The following GALC variants were observed in gnomAD, a reference collection of about 807,000 sequenced individuals.
GALC encodes the protein galactosylceramidase.
A neutral mutation model predicts 91.8 loss-of-function variants in GALC; 77 were observed. The observed-to-expected ratio is 0.84, with a 90% CI of 0.70 to 1.01. The LOEUF (loss-of-function observed/expected upper bound fraction) is 1.01, where lower values mean the gene tolerates loss of function less well. GALC is among the 50% of genes least tolerant of loss of function. GALC has a pLI of 0.00. For missense variants in GALC, 882 were observed against 855.9 expected, an observed-to-expected ratio of 1.03 and a Z score of -0.38; for synonymous variants, 357 against 306.7, an observed-to-expected ratio of 1.16 and a Z score of -1.71.
intron 14 of GALC, 143 bp downstream of exon 14, chr14:87,945,410 T>C: frequency 1.4e-6 from 1 of 708,956 alleles, no homozygotes; most frequent in Non-Finnish European, 2.5e-6. Context: ...CACCATACTA[T>C]TCAACAACCC....
intron 14 of GALC, among the ~76,000 whole-genome samples, chr14:87,943,090 C>T (rs1019447675): frequency 6.6e-6 from 1 of 152,056 alleles, no homozygotes; most frequent in Non-Finnish European, 1.5e-5. Flanking sequence ...GTGATTCTTG[C>T]ATCAGAACTT....
chr14:87,936,681 A>G (rs771613739), intron 16 of GALC, among the ~76,000 whole-genome samples: 5 of 151,722 alleles, frequency 3.3e-5, no homozygotes, highest in Non-Finnish European at 4.4e-5. Context: ...TGTGTTGAAT[A>G]TAAGAATGAA....
intron 6 of GALC, among the ~76,000 whole-genome samples, chr14:87,978,969 T>A (rs945901068): frequency 2.0e-5 from 3 of 152,316 alleles, no homozygotes; most frequent in Non-Finnish European, 4.4e-5. Flanking sequence ...GAATATACAT[T>A]CATTAAGGTT....
chr14:87,945,473 A>C, intron 14 of GALC, 80 bp downstream of exon 14: 1 of 1,063,752 alleles, frequency 9.4e-7, no homozygotes, highest in Non-Finnish European at 1.5e-6. Context: ...AGGACCATTG[A>C]AAACTCTTCA....
At chr14:87,936,921 T>TATATATA (rs1176265523) in intron 16 of GALC, among the ~76,000 whole-genome samples, 3 of 141,176 alleles carry the variant, frequency 2.1e-5, no homozygotes, top group African/African-American at 5.3e-5. Flanking sequence ...TATTTATTTA[T>TATATATA]TTTCTCATTG....
chr14:87,959,224 T>C (rs1885694273), intron 10 of GALC, among the ~76,000 whole-genome samples: 1 of 152,130 alleles, frequency 6.6e-6, no homozygotes, highest in African/African-American at 2.4e-5. Flanking sequence ...GAAAAAATAC[T>C]CAACATCACT....
chr14:87,948,801 T>C (rs976457610), intron 12 of GALC, among the ~76,000 whole-genome samples: 33 of 152,024 alleles, frequency 2.2e-4, no homozygotes, highest in African/African-American at 7.5e-4. Context: ...AACTTTTTTT[T>C]CAGAACTTAA....
At chr14:87,953,770 A>T (rs1331847392) in intron 10 of GALC, 40 of 1,603,438 alleles carry the variant, frequency 2.5e-5, no homozygotes, top group African/African-American at 4.0e-5. Flanking sequence ...TAAGGGTATT[A>T]AAAAAAGTCA....
upstream of GALC, chr14:87,993,550 G>T (rs571981913): frequency 1.7e-4 from 217 of 1,306,240 alleles, no homozygotes; most frequent in East Asian, 3.8e-3. Flanking sequence ...ACCAGGTCCC[G>T]ATTCCATTGT....
intron 13 of GALC, 133 bp from the exon 14 acceptor site, chr14:87,945,866 G>C (rs1007677783): frequency 1.6e-5 from 11 of 690,302 alleles, no homozygotes; most frequent in Non-Finnish European, 2.5e-5. Context: ...CCAAAGTTTA[G>C]GGCCTAGGTC....
chr14:87,990,919 C>T (rs1887171381), intron 1 of GALC, among the ~76,000 whole-genome samples: 1 of 152,128 alleles, frequency 6.6e-6, no homozygotes, highest in Admixed American at 6.5e-5. Context: ...CATTCAGTGG[C>T]CTTGAAATAA....
chr14:87,950,046 A>G lies in GALC; in HGVS notation c.1252-115T>C, dbSNP rs440426. On this transcript the variant is annotated intron_variant, in intron 11 of 16. Transcript: ENST00000261304. ...ATGACAATATTATCTCTATTTATCAAGAGAAACACCTCAAATATTAAATAA... is the reference window on the plus strand; with the variant it reads ...ATGACAATATTATCTCTATTTATCAGGAGAAACACCTCAAATATTAAATAA... The G allele has an allele frequency of 0.99, 599,610 of 608,130 alleles. 296,095 individuals carry two copies. The highest frequency in any genetic ancestry group is 1 in the East Asian group (35,252 of 35,254). 37.7% of individuals were successfully genotyped at this position (608,130 alleles called of 1,614,324 possible). A position where few individuals can be genotyped will look rare whatever the true frequency, so the allele number is the denominator to read the frequency against.
At chr14:87,966,156 A>G (rs1338959922) in intron 8 of GALC, among the ~76,000 whole-genome samples, 2 of 152,214 alleles carry the variant, frequency 1.3e-5, no homozygotes, top group African/African-American at 4.8e-5. Flanking sequence ...GATAATAATT[A>G]TATCTCTCTC....
At chr14:87,955,954 AT>A (rs972380166) in intron 10 of GALC, among the ~76,000 whole-genome samples, 26 of 151,892 alleles carry the variant, frequency 1.7e-4, no homozygotes, top group African/African-American at 6.3e-4. Flanking sequence ...CTGAAAATAA[AT>A]TTATGATGAA....
In GALC at chr14:87,947,877, A is replaced by T. The variant is rs960099037; in HGVS notation, c.1340T>A (p.Leu447His). The T allele has an allele frequency of 6.2e-7, 1 of 1,611,690 alleles. No individual in the cohort carries two copies. Among genetic ancestry groups the T allele is most frequent in the Non-Finnish European group, 8.5e-7 (1 of 1,178,514 alleles). The change falls in exon 13 of 17, where the codon CTC (leucine) becomes CAC (histidine). Residue 447 changes from leucine to histidine, a missense_variant and splice_region_variant. Leu to His is a moderately conservative substitution (Grantham distance 99). Transcript: ENST00000261304. ...FLFKQLDSLW[L>H]LDSDGSFTLS... ...TGTGAAACTGCCATCGCTGTCAAGGAGCTGAAAAAGAAGACACTACTGTAT... is the reference window on the plus strand; with the variant it reads ...TGTGAAACTGCCATCGCTGTCAAGGTGCTGAAAAAGAAGACACTACTGTAT...
intron 15 of GALC, among the ~76,000 whole-genome samples, chr14:87,941,103 T>C (rs1395334657): frequency 6.6e-6 from 1 of 151,966 alleles, no homozygotes; most frequent in East Asian, 1.9e-4. Flanking sequence ...CTACCTCAGA[T>C]GGTTTTGATA....
intron 6 of GALC, 105 bp from the exon 7 acceptor site, chr14:87,976,593 G>T (rs1886503036): frequency 1.1e-6 from 1 of 930,144 alleles, no homozygotes; most frequent in Non-Finnish European, 1.7e-6. Context: ...CAGCGTTCTG[G>T]ATAATAGCTT....
chr14:87,976,659 G>A, intron 6 of GALC, 171 bp from the exon 7 acceptor site: 1 of 582,406 alleles, frequency 1.7e-6, no homozygotes, highest in South Asian at 1.9e-5. Flanking sequence ...TCGTCGCCCA[G>A]GCTGGAGTGC....
In GALC at chr14:87,953,874, G is replaced by T. The variant is rs761511020; in HGVS notation, c.1162-3126C>A. ...TGTGAAGGAAATAAACATAAAATTC[G>T]GACCAAATTCTGGCTCTAAAGTGCC... On this transcript the variant is annotated intron_variant, in intron 10 of 16. Transcript: ENST00000261304. 6 of 1,609,874 alleles carry T rather than the reference G, an allele frequency of 3.7e-6. No individual in the cohort carries two copies. The African/African-American group carries it at 6.7e-5, about 18-fold the overall frequency.
Sources: allele counts gnomAD v4.1 joint callset (sites outside exome capture counted in the v4.1 genomes callset), GRCh38; gene constraint gnomAD v4.1.1; transcripts MANE v1.5; gene names NCBI Gene and HGNC (gene_info 2026-07-23, HGNC 2026-07-21).